Variants in ARHGAP24 observed in about 807,000 individuals in gnomAD.
The protein encoded by ARHGAP24 is Rho GTPase activating protein 24.
ARHGAP24 carries 50 observed loss-of-function variants against 76.4 expected under a neutral mutation model. The ratio of observed to expected loss-of-function variants is 0.65; its 90% CI spans 0.52 to 0.83. The LOEUF (loss-of-function observed/expected upper bound fraction) is 0.83, where lower values mean the gene tolerates loss of function less well. Among genes scored for constraint, ARHGAP24 ranks in the 40% least tolerant of loss-of-function variants. The probability of loss-of-function intolerance (pLI) is 0.00; values close to 1 mark genes in which losing one functional copy is unlikely to be tolerated. For missense variants in ARHGAP24, 930 were observed against 914.2 expected, an observed-to-expected ratio of 1.02 and a Z score of -0.22; for synonymous variants, 345 against 323.3, an observed-to-expected ratio of 1.07 and a Z score of -0.72.
rs114664280 is a variant in ARHGAP24, at chr4:85,821,506, C to T, written c.268+99534C>T. 1.8e-3 allele frequency among the ~76,000 whole-genome samples: 281 copies of T among 152,268 alleles called. 2 individuals are homozygous for T. The highest frequency in any genetic ancestry group is 3.3e-3 in the Non-Finnish European group (224 of 68,024). On this transcript the variant is annotated intron_variant, in intron 3 of 9. Transcript: ENST00000395184. ...TCCCTGCCTCAGTCTCTTGGACAGC[C>T]TCTAGACTACAAGCACATGGCATCA...
intron 1 of ARHGAP24, among the ~76,000 whole-genome samples, chr4:85,551,398 A>G (rs1370175526): frequency 6.6e-6 from 1 of 152,202 alleles, no homozygotes; most frequent in Non-Finnish European, 1.5e-5. Context: ...ATGGTGGATT[A>G]GCTATTCAGT....
At chr4:85,580,778 G>A (rs1235462667) in intron 2 of ARHGAP24, among the ~76,000 whole-genome samples, 1 of 152,120 alleles carries the variant, frequency 6.6e-6, no homozygotes, top group Non-Finnish European at 1.5e-5. Context: ...AGCCGGAAGG[G>A]GAGGACAGAT....
intron 2 of ARHGAP24, among the ~76,000 whole-genome samples, chr4:85,628,166 G>A (rs149761699): frequency 0.023 from 3,530 of 152,180 alleles, 131 homozygotes; most frequent in African/African-American, 0.081. Context: ...CTTCTGCGTC[G>A]CTCACACTGG....
At chr4:85,963,978 G>A (rs2148844478) in intron 5 of ARHGAP24, among the ~76,000 whole-genome samples, 1 of 152,062 alleles carries the variant, frequency 6.6e-6, no homozygotes, top group East Asian at 1.9e-4. Context: ...GTATTCATGT[G>A]CTAGGAGGAC....
chr4:85,693,335 G>A lies in ARHGAP24; in HGVS notation c.181-28550G>A, dbSNP rs538269749. The stretch of plus-strand genomic sequence containing the variant: ...GGATGCAGGGCTCACCTGGGCAGAG[G>A]CTGCAGCAAAGAAATAGGCCACATC... On this transcript the variant is annotated intron_variant, in intron 2 of 9. Coordinates refer to ENST00000395184, the MANE Select transcript of ARHGAP24 (RefSeq NM_001025616.3). 7.9e-5 allele frequency among the ~76,000 whole-genome samples: 12 copies of A among 152,266 alleles called. No homozygotes were observed. The South Asian group carries it at 2.5e-3, about 32-fold the overall frequency.
At chr4:85,594,228 A>G (rs1728225705) in intron 2 of ARHGAP24, among the ~76,000 whole-genome samples, 1 of 151,816 alleles carries the variant, frequency 6.6e-6, no homozygotes, top group Non-Finnish European at 1.5e-5. Context: ...AATAGGCTTA[A>G]TTTCTTGATT....
At chr4:85,888,061 G>A (rs1318824860) in intron 3 of ARHGAP24, among the ~76,000 whole-genome samples, 1 of 151,698 alleles carries the variant, frequency 6.6e-6, no homozygotes, top group African/African-American at 2.4e-5. Flanking sequence ...TTCAAATGAG[G>A]CCTCATTTGA....
intron 3 of ARHGAP24, among the ~76,000 whole-genome samples, chr4:85,845,916 T>A (rs1320554247): frequency 6.6e-6 from 1 of 152,192 alleles, no homozygotes; most frequent in Non-Finnish European, 1.5e-5. Context: ...TTTTTCTTTT[T>A]TCTTTTGAGA....
chr4:85,834,607 A>T (rs866443943), intron 3 of ARHGAP24, among the ~76,000 whole-genome samples: 4 of 152,218 alleles, frequency 2.6e-5, no homozygotes, highest in African/African-American at 9.6e-5. Flanking sequence ...GAGGAATGAC[A>T]CACCTGTCAA....
At chr4:85,927,902 T>G (rs1346038476) in intron 4 of ARHGAP24, among the ~76,000 whole-genome samples, 2 of 152,234 alleles carry the variant, frequency 1.3e-5, no homozygotes, top group African/African-American at 2.4e-5. Context: ...CTGAGGAGCT[T>G]GTCTAGTTCT....
chr4:85,861,455 G>A (rs548369653), intron 3 of ARHGAP24, among the ~76,000 whole-genome samples: 1 of 152,164 alleles, frequency 6.6e-6, no homozygotes, highest in East Asian at 1.9e-4. Flanking sequence ...CTTTGGCCCA[G>A]CAATCTTCAG....
intron 3 of ARHGAP24, among the ~76,000 whole-genome samples, chr4:85,789,842 C>CA (rs1207001279): frequency 6.6e-6 from 1 of 152,140 alleles, no homozygotes; most frequent in African/African-American, 2.4e-5. Context: ...ACTCAACCAT[C>CA]AGTATGATAT....
intron 1 of ARHGAP24, among the ~76,000 whole-genome samples, chr4:85,562,558 T>C (rs1442676896): frequency 2.0e-5 from 3 of 152,122 alleles, no homozygotes; most frequent in Admixed American, 1.3e-4. Context: ...GAAATGAAAA[T>C]GTTTGTCCTT....
chr4:85,622,661 G>A (rs1160431053), intron 2 of ARHGAP24, among the ~76,000 whole-genome samples: 2 of 152,120 alleles, frequency 1.3e-5, no homozygotes. Flanking sequence ...AGATCCCTGA[G>A]GAATCGCCAC....
intron 2 of ARHGAP24, among the ~76,000 whole-genome samples, chr4:85,663,486 A>C (rs1298826784): frequency 6.7e-6 from 1 of 148,978 alleles, no homozygotes; most frequent in East Asian, 1.9e-4. Flanking sequence ...TGACTTCCTC[A>C]TTTCCTAATT....
At chr4:85,940,107 C>A (rs1736873237) in intron 4 of ARHGAP24, among the ~76,000 whole-genome samples, 1 of 152,010 alleles carries the variant, frequency 6.6e-6, no homozygotes. Context: ...AGTTTGTAAA[C>A]CTTATTATTA....
intron 2 of ARHGAP24, among the ~76,000 whole-genome samples, chr4:85,684,427 T>C (rs1231264288): frequency 6.6e-6 from 1 of 152,166 alleles, no homozygotes; most frequent in Non-Finnish European, 1.5e-5. Context: ...AAATGCTATA[T>C]GGTATAATAT....
intron 3 of ARHGAP24, among the ~76,000 whole-genome samples, chr4:85,786,511 C>T (rs1191804053): frequency 6.6e-6 from 1 of 152,150 alleles, no homozygotes. Flanking sequence ...ATTTATGAAT[C>T]GCCCCCAAAG....
chr4:85,559,163 A>G (rs578235363), intron 1 of ARHGAP24, among the ~76,000 whole-genome samples: 1 of 152,300 alleles, frequency 6.6e-6, no homozygotes, highest in East Asian at 1.9e-4. Context: ...TCTCTCTGCT[A>G]TGTGCATAAA....
Sources: allele counts gnomAD v4.1 joint callset (sites outside exome capture counted in the v4.1 genomes callset), GRCh38; gene constraint gnomAD v4.1.1; transcripts MANE v1.5; gene names NCBI Gene and HGNC (gene_info 2026-07-23, HGNC 2026-07-21).